TMEM132B: variants seen among roughly 807,000 people sequenced by gnomAD.
TMEM132B encodes transmembrane protein 132B.
Under a neutral mutation model 90.8 loss-of-function variants are expected in TMEM132B, and 18 were observed. The ratio of observed to expected loss-of-function variants is 0.20; its 90% CI spans 0.14 to 0.29. The LOEUF is 0.29. TMEM132B is among the 10% of genes least tolerant of loss of function. The pLI is 1.00. For missense variants in TMEM132B, 1,096 were observed against 1,326.8 expected (o/e 0.83, Z 2.70); for synonymous variants, 504 against 523.3 (o/e 0.96, Z 0.50).
intron 1 of TMEM132B, among the ~76,000 whole-genome samples, chr12:125,239,525 G>C (rs1874016102): frequency 6.6e-6 from 1 of 152,184 alleles, no homozygotes; most frequent in Admixed American, 6.5e-5. Flanking sequence ...GTATTTGCCT[G>C]TGTTGCGTTT....
intron 2 of TMEM132B, among the ~76,000 whole-genome samples, chr12:125,366,223 T>C (rs968875709): frequency 2.0e-5 from 3 of 152,164 alleles, no homozygotes; most frequent in African/African-American, 7.2e-5. Context: ...TATGGCTGAA[T>C]AATATTGCTG....
chr12:125,418,657 C>G (rs1880090457), intron 3 of TMEM132B, among the ~76,000 whole-genome samples: 1 of 152,068 alleles, frequency 6.6e-6, no homozygotes, highest in Admixed American at 6.5e-5. Flanking sequence ...ATTGTGACAA[C>G]CTTGAGTGGA....
intron 3 of TMEM132B, among the ~76,000 whole-genome samples, chr12:125,507,100 G>A (rs1226833718): frequency 1.4e-4 from 21 of 152,216 alleles, no homozygotes; most frequent in Admixed American, 1.4e-3. Flanking sequence ...TGGGAGATGA[G>A]TGGTGCCTGT....
At chr12:125,304,104 A>C (rs1164735086) in intron 1 of TMEM132B, among the ~76,000 whole-genome samples, 1 of 152,230 alleles carries the variant, frequency 6.6e-6, no homozygotes, top group Non-Finnish European at 1.5e-5. Context: ...TAAGGAGCAC[A>C]CAACCTAGAT....
At chr12:125,513,756 T>C (rs1313156930) in intron 3 of TMEM132B, among the ~76,000 whole-genome samples, 1 of 152,200 alleles carries the variant, frequency 6.6e-6, no homozygotes, top group East Asian at 1.9e-4. Context: ...TCTGTTGTAA[T>C]TTATATTCTA....
intron 4 of TMEM132B, among the ~76,000 whole-genome samples, chr12:125,569,824 A>G (rs938063511): frequency 6.6e-6 from 1 of 152,062 alleles, no homozygotes; most frequent in Non-Finnish European, 1.5e-5. Flanking sequence ...CTTAGTTTAT[A>G]TTCCTTACTT....
chr12:125,548,169 A>G (rs979277093), intron 4 of TMEM132B, among the ~76,000 whole-genome samples: 1 of 152,102 alleles, frequency 6.6e-6, no homozygotes, highest in East Asian at 1.9e-4. Flanking sequence ...ACCTGGAAAA[A>G]GAGTTCTGGA....
At chr12:125,236,321 GTTTT>G (rs150284857) in intron 1 of TMEM132B, among the ~76,000 whole-genome samples, 1 of 149,762 alleles carries the variant, frequency 6.7e-6, no homozygotes, top group African/African-American at 2.5e-5. Context: ...ATTTTTTTTT[GTTTT>G]TTTTGTTTTT....
intron 2 of TMEM132B, among the ~76,000 whole-genome samples, chr12:125,386,142 C>A (rs937647223): frequency 2.6e-5 from 4 of 152,144 alleles, no homozygotes; most frequent in Admixed American, 6.5e-5. Context: ...TGCTCACCAC[C>A]ACTCCTGGCT....
chr12:125,535,992 C>T (rs997156282), intron 4 of TMEM132B, among the ~76,000 whole-genome samples: 7 of 152,146 alleles, frequency 4.6e-5, no homozygotes, highest in Admixed American at 1.3e-4. Context: ...GTTAAGAATT[C>T]CCCCATGAAA....
At chr12:125,341,199 A>G (rs1877169159) in intron 1 of TMEM132B, among the ~76,000 whole-genome samples, 1 of 152,220 alleles carries the variant, frequency 6.6e-6, no homozygotes, top group Admixed American at 6.5e-5. Context: ...GCCTGGGTCA[A>G]ATTCCACCTC....
intron 1 of TMEM132B, among the ~76,000 whole-genome samples, chr12:125,208,704 CT>C (rs1873243396): frequency 6.6e-6 from 1 of 152,190 alleles, no homozygotes; most frequent in African/African-American, 2.4e-5. Context: ...GGGGAACCCC[CT>C]GCAAGGCCTT....
At chr12:125,296,034 C>A (rs1200116106) in intron 1 of TMEM132B, among the ~76,000 whole-genome samples, 1 of 152,122 alleles carries the variant, frequency 6.6e-6, no homozygotes, top group Non-Finnish European at 1.5e-5. Flanking sequence ...AAAAGGTTGC[C>A]CTTGAGTTTG....
chr12:125,242,639 A>G (rs1874098315), intron 1 of TMEM132B, among the ~76,000 whole-genome samples: 1 of 152,180 alleles, frequency 6.6e-6, no homozygotes, highest in African/African-American at 2.4e-5. Flanking sequence ...AACCCCGTGC[A>G]CTTGAGGTGT....
intron 5 of TMEM132B, among the ~76,000 whole-genome samples, chr12:125,601,489 C>G (rs893532987): frequency 6.6e-6 from 1 of 152,126 alleles, no homozygotes; most frequent in Non-Finnish European, 1.5e-5. Context: ...ATTTATAGCA[C>G]TAAATGCCCA....
chr12:125,605,222 C>T (rs74983849), intron 5 of TMEM132B, among the ~76,000 whole-genome samples: 1 of 152,152 alleles, frequency 6.6e-6, no homozygotes, highest in African/African-American at 2.4e-5. Context: ...TCCCTTTCTT[C>T]CTGATAATTG....
intron 5 of TMEM132B, among the ~76,000 whole-genome samples, chr12:125,634,964 G>A (rs1271008762): frequency 6.6e-6 from 1 of 152,084 alleles, no homozygotes; most frequent in Non-Finnish European, 1.5e-5. Context: ...AGGTCCACTG[G>A]CCCTGGGCCC....
At chr12:125,593,785 T>A (rs1189719777) in intron 5 of TMEM132B, among the ~76,000 whole-genome samples, 1 of 152,194 alleles carries the variant, frequency 6.6e-6, no homozygotes, top group African/African-American at 2.4e-5. Context: ...TTAAAAAACT[T>A]TATAAATTAA....
intron 1 of TMEM132B, among the ~76,000 whole-genome samples, chr12:125,306,913 T>G (rs1022479162): frequency 6.6e-5 from 10 of 152,162 alleles, no homozygotes; most frequent in Admixed American, 2.0e-4. Flanking sequence ...GTTTACTTGC[T>G]CCAGTCTGGC....
Sources: allele counts gnomAD v4.1 joint callset (sites outside exome capture counted in the v4.1 genomes callset), GRCh38; gene constraint gnomAD v4.1.1; transcripts MANE v1.5; gene names NCBI Gene and HGNC (gene_info 2026-07-23, HGNC 2026-07-21).